The following NARS2 variants were observed in gnomAD, a reference collection of about 807,000 sequenced individuals.
NARS2 encodes asparaginyl-tRNA synthetase 2, mitochondrial.
In NARS2, 60 loss-of-function variants were observed where a neutral mutation model predicts 62.9. That is an observed-to-expected ratio of 0.95 (90% CI 0.77 to 1.18). The LOEUF (loss-of-function observed/expected upper bound fraction) is 1.18, where lower values mean the gene tolerates loss of function less well. Among genes scored for constraint, NARS2 ranks in the 50% most tolerant of loss-of-function variants. The pLI, the probability that NARS2 is intolerant of heterozygous loss-of-function variation, is 0.00. For missense variants in NARS2, 619 were observed against 576.4 expected (o/e 1.07, Z -0.76); for synonymous variants, 196 against 200.0 (o/e 0.98, Z 0.17).
chr11:78,555,295 T>C (rs1424816444), intron 5 of NARS2: 1 of 152,150 alleles, frequency 6.6e-6, no homozygotes, highest in African/African-American at 2.4e-5. Flanking sequence ...GAAGTTACTG[T>C]TGGAATGGCA....
intron 9 of NARS2, among the ~76,000 whole-genome samples, chr11:78,475,546 C>A (rs550697523): frequency 1.3e-5 from 2 of 149,732 alleles, no homozygotes; most frequent in South Asian, 2.1e-4. Flanking sequence ...GGTTCCCAAG[C>A]GCCACATCTT....
At position 78,465,374 on chromosome 11, in the gene NARS2, GCTC is replaced by G. The variant is rs538879984; in HGVS notation, c.1164+499_1164+501del. Among the ~76,000 whole-genome samples the G allele has an allele frequency of 1.7e-4, 26 of 152,398 alleles. No homozygotes were observed. The East Asian group carries it at 2.1e-3, about 12-fold the overall frequency. On this transcript the variant is annotated intron_variant, in intron 11 of 13. Coordinates refer to ENST00000281038, the MANE Select transcript of NARS2 (RefSeq NM_024678.6). ...CCACAGTGCAGTGGCAGGCTGAAGGGCTCCTCAAGTGCCGCCAAAGTGGGCGCC... is the reference window on the plus strand; with the variant it reads ...CCACAGTGCAGTGGCAGGCTGAAGGGCTCAAGTGCCGCCAAAGTGGGCGCC...
At chr11:78,477,323 T>G (rs1019735425) in intron 9 of NARS2, among the ~76,000 whole-genome samples, 4 of 152,184 alleles carry the variant, frequency 2.6e-5, no homozygotes, top group Admixed American at 2.6e-4. Context: ...CATCTCAATC[T>G]TAACATGTCT....
intron 1 of NARS2, among the ~76,000 whole-genome samples, chr11:78,572,183 A>G (rs532881343): frequency 6.6e-6 from 1 of 152,296 alleles, no homozygotes; most frequent in African/African-American, 2.4e-5. Context: ...CTCCATCTCA[A>G]AAAAACAAAA....
intron 5 of NARS2, among the ~76,000 whole-genome samples, chr11:78,538,832 A>G (rs1361892859): frequency 6.6e-6 from 1 of 151,066 alleles, no homozygotes. Flanking sequence ...CGTCTCTACT[A>G]AAAATACAAA....
intron 5 of NARS2, among the ~76,000 whole-genome samples, chr11:78,532,502 G>A (rs1861516316): frequency 6.6e-6 from 1 of 152,136 alleles, no homozygotes; most frequent in South Asian, 2.1e-4. Context: ...TGGCTAATGT[G>A]AAAATAATTT....
rs149563338 is a variant in NARS2 at position 78,535,682 on chromosome 11, T to C, written c.595-6746A>G. On this transcript the variant is annotated intron_variant, in intron 5 of 13. Coordinates refer to ENST00000281038, the MANE Select transcript of NARS2 (RefSeq NM_024678.6). ...TTCACTCTTATTGCCGAGGCTGGAG[T>C]GCAATGGCACGATCTCAGCTCACCA... is the stretch of plus-strand genomic sequence containing the variant. Among the ~76,000 whole-genome samples, 268 of 151,618 alleles carry C rather than the reference T, an allele frequency of 1.8e-3. 2 individuals are homozygous for C. The highest frequency in any genetic ancestry group is 5.7e-3 in the African/African-American group (236 of 41,282).
chr11:78,442,073 C>G (rs570520286), intron 12 of NARS2, among the ~76,000 whole-genome samples: 1 of 152,106 alleles, frequency 6.6e-6, no homozygotes, highest in African/African-American at 2.4e-5. Flanking sequence ...CACTTCATTA[C>G]GAAAGACAGA....
intron 6 of NARS2, among the ~76,000 whole-genome samples, chr11:78,504,434 G>GT (rs758781275): frequency 3.6e-4 from 22 of 61,428 alleles, no homozygotes; most frequent in South Asian, 1.8e-3. Context: ...CAAAACACCA[G>GT]TTTTTTTTTT....
intron 1 of NARS2, among the ~76,000 whole-genome samples, 172 bp downstream of exon 1, chr11:78,574,176 G>A (rs1857031265): frequency 6.6e-6 from 1 of 152,246 alleles, no homozygotes; most frequent in Non-Finnish European, 1.5e-5. Context: ...TATCGGAACA[G>A]TTTTGTGAAA....
intron 6 of NARS2, among the ~76,000 whole-genome samples, chr11:78,505,124 A>G (rs1216135843): frequency 6.6e-6 from 1 of 152,046 alleles, no homozygotes; most frequent in African/African-American, 2.4e-5. Context: ...CCACTGCATG[A>G]AAATGTAAAA....
At chr11:78,568,977 T>C (rs1272740814) in intron 2 of NARS2, among the ~76,000 whole-genome samples, 1 of 152,178 alleles carries the variant, frequency 6.6e-6, no homozygotes, top group Admixed American at 6.5e-5. Flanking sequence ...AGAATTTGTA[T>C]AATTAATTCA....
chr11:78,487,187 C>T (rs1455770519), intron 7 of NARS2, among the ~76,000 whole-genome samples: 1 of 151,860 alleles, frequency 6.6e-6, no homozygotes, highest in Non-Finnish European at 1.5e-5. Flanking sequence ...GAAACCCCGT[C>T]TCTGATAACA....
intron 5 of NARS2, among the ~76,000 whole-genome samples, chr11:78,535,527 G>A (rs997981307): frequency 1.3e-5 from 2 of 151,754 alleles, no homozygotes; most frequent in African/African-American, 2.4e-5. Flanking sequence ...TGTCATTATT[G>A]TGTTTTGATA....
At chr11:78,558,480 T>C (rs1344539136) in intron 5 of NARS2, 7 of 152,168 alleles carry the variant, frequency 4.6e-5, no homozygotes, top group Non-Finnish European at 2.9e-5. Context: ...CAACCAAATA[T>C]ATAAACAAGA....
At chr11:78,440,406 T>C (rs557543263) in intron 13 of NARS2, among the ~76,000 whole-genome samples, 1 of 151,654 alleles carries the variant, frequency 6.6e-6, no homozygotes, top group Non-Finnish European at 1.5e-5. Context: ...CCCATCTCTA[T>C]CCCTCAAACT....
rs1267285350 is a variant in NARS2 at position 78,536,733 on chromosome 11, T to G, written c.595-7797A>C. Reference sequence around the variant, plus strand: ...ATAATTAATCTATTACTGAAGACATTTTAAAAAATAAATTTAGTGTAGCTT... The same window carrying G: ...ATAATTAATCTATTACTGAAGACATGTTAAAAAATAAATTTAGTGTAGCTT... On this transcript the variant is annotated intron_variant, in intron 5 of 13. Coordinates refer to ENST00000281038, the MANE Select transcript of NARS2 (RefSeq NM_024678.6). Among the ~76,000 whole-genome samples, 3 of 152,172 alleles carry G rather than the reference T, an allele frequency of 2.0e-5. No homozygotes were observed. The East Asian group carries it at 5.8e-4, about 29-fold the overall frequency.
At chr11:78,469,922 T>C (rs1216580546) in intron 9 of NARS2, among the ~76,000 whole-genome samples, 1 of 152,074 alleles carries the variant, frequency 6.6e-6, no homozygotes, top group Non-Finnish European at 1.5e-5. Context: ...CCTAAGTTTG[T>C]GACATTTGAA....
chr11:78,538,446 T>C (rs1278895980), intron 5 of NARS2, among the ~76,000 whole-genome samples: 1 of 152,026 alleles, frequency 6.6e-6, no homozygotes, highest in East Asian at 1.9e-4. Flanking sequence ...ACATGTAAAC[T>C]AATAAAGAAT....
Sources: gnomAD v4.1 joint callset for allele counts (sites outside exome capture counted in the v4.1 genomes callset) on GRCh38, gnomAD v4.1.1 for gene constraint, MANE v1.5 for transcripts, NCBI Gene and HGNC (gene_info 2026-07-23, HGNC 2026-07-21) for gene names.